Variants in CTDSPL observed in about 807,000 individuals in gnomAD.
The protein encoded by CTDSPL is CTD small phosphatase like, also known as CTD small phosphatase-like protein.
A neutral mutation model predicts 30.5 loss-of-function variants in CTDSPL; 8 were observed. That is an observed-to-expected ratio of 0.26 (90% CI 0.15 to 0.47). CTDSPL has a LOEUF of 0.47. Among genes scored for constraint, CTDSPL ranks in the 20% least tolerant of loss-of-function variants. CTDSPL has a pLI of 0.99. For missense variants in CTDSPL, 248 were observed against 366.1 expected (o/e 0.68, Z 2.63); for synonymous variants, 110 against 137.9 (o/e 0.80, Z 1.42).
At chr3:37,939,786 C>T (rs1223868280) in intron 1 of CTDSPL, among the ~76,000 whole-genome samples, 1 of 150,328 alleles carries the variant, frequency 6.7e-6, no homozygotes, top group East Asian at 1.9e-4. Flanking sequence ...ACTTTCAGCC[C>T]AGCTTCTTTC....
rs1698374925 is a variant in CTDSPL, at chr3:37,894,976, TATA to T, written c.79+32702_79+32704del. Reference sequence around the variant, plus strand: ...ATTGCTTTATGCCATTGAGCACAATTATAATAGCTATTTTAAAAAATCTTATCT... The same window carrying T: ...ATTGCTTTATGCCATTGAGCACAATTATAGCTATTTTAAAAAATCTTATCT... On this transcript the variant is annotated intron_variant, in intron 1 of 7. Transcript: ENST00000273179. 2.0e-5 allele frequency among the ~76,000 whole-genome samples: 3 copies of T among 152,204 alleles called. No homozygotes were observed. In the South Asian group the frequency reaches 6.2e-4, roughly 31 times the overall value.
Position 37,873,832 on chromosome 3 carries a change from G to A in CTDSPL, c.79+11554G>A, listed in dbSNP as rs115071846. ...CTGTGAAATCAAGTCTAGATCAGTA[G>A]GGCATCAGTGACAACTGTGATTTAA... On this transcript the variant is annotated intron_variant, in intron 1 of 7. Coordinates refer to ENST00000273179, the MANE Select transcript of CTDSPL (RefSeq NM_001008392.2). 2.2e-3 allele frequency among the ~76,000 whole-genome samples: 340 copies of A among 152,328 alleles called. 2 individuals carry two copies. The highest frequency in any genetic ancestry group is 3.8e-3 in the Non-Finnish European group (257 of 68,020).
chr3:37,941,552 G>A lies in CTDSPL; in HGVS notation c.80-5505G>A, dbSNP rs1217633273. 1.3e-5 allele frequency among the ~76,000 whole-genome samples: 2 copies of A among 149,124 alleles called. 1 individual carries two copies. The highest frequency in any genetic ancestry group is 3.0e-5 in the Non-Finnish European group (2 of 66,574). On this transcript the variant is annotated intron_variant, in intron 1 of 7. Transcript: ENST00000273179. The stretch of plus-strand genomic sequence containing the variant: ...TTACAGGGGCCCGCCACCACACTCC[G>A]CTAATTTTTGTATTCTTAGTAGAAA...
intron 1 of CTDSPL, among the ~76,000 whole-genome samples, chr3:37,893,578 T>C (rs772857878): frequency 3.3e-5 from 5 of 152,226 alleles, no homozygotes; most frequent in Non-Finnish European, 5.9e-5. Context: ...TCTTTCTTTA[T>C]GCCTAATCAT....
intron 1 of CTDSPL, among the ~76,000 whole-genome samples, chr3:37,884,249 A>G (rs1448576408): frequency 6.6e-6 from 1 of 152,234 alleles, no homozygotes; most frequent in African/African-American, 2.4e-5. Flanking sequence ...AACATAGCAT[A>G]TTGACATGGA....
intron 1 of CTDSPL, among the ~76,000 whole-genome samples, chr3:37,934,267 C>T (rs1192146786): frequency 1.3e-5 from 2 of 151,098 alleles, no homozygotes; most frequent in African/African-American, 4.9e-5. Context: ...GTCAAGACTA[C>T]AGTGAGCCAT....
intron 7 of CTDSPL, among the ~76,000 whole-genome samples, chr3:37,979,940 T>G (rs905287532): frequency 1.3e-5 from 2 of 152,370 alleles, no homozygotes; most frequent in Admixed American, 1.3e-4. Flanking sequence ...TGTCCATTTC[T>G]GCCCTCTCCT....
intron 1 of CTDSPL, among the ~76,000 whole-genome samples, chr3:37,934,221 GGA>G (rs968861177): frequency 6.6e-5 from 10 of 152,064 alleles, no homozygotes; most frequent in African/African-American, 2.4e-4. Context: ...CAGCTATTCA[GGA>G]GGCTGAGGTG....
At chr3:37,931,670 T>C (rs1698856413) in intron 1 of CTDSPL, among the ~76,000 whole-genome samples, 1 of 152,202 alleles carries the variant, frequency 6.6e-6, no homozygotes, top group Non-Finnish European at 1.5e-5. Context: ...TTTTATCTCC[T>C]ATAGGTATTT....
chr3:37,954,960 C>T (rs970799479), intron 2 of CTDSPL: 2 of 152,216 alleles, frequency 1.3e-5, no homozygotes, highest in African/African-American at 4.8e-5. Flanking sequence ...AGATCAGCAC[C>T]TTTGCTTGCT....
intron 1 of CTDSPL, among the ~76,000 whole-genome samples, chr3:37,871,652 T>C (rs1207895389): frequency 6.6e-6 from 1 of 152,256 alleles, no homozygotes; most frequent in Non-Finnish European, 1.5e-5. Flanking sequence ...TTGGTTTATG[T>C]CTTTGCTAAA....
chr3:37,874,397 G>C (rs930406831), intron 1 of CTDSPL, among the ~76,000 whole-genome samples: 5 of 152,170 alleles, frequency 3.3e-5, no homozygotes, highest in African/African-American at 1.2e-4. Flanking sequence ...AGTTGGCCAT[G>C]GTCAGGAAAT....
At chr3:37,896,070 A>G (rs1698387029) in intron 1 of CTDSPL, among the ~76,000 whole-genome samples, 1 of 152,226 alleles carries the variant, frequency 6.6e-6, no homozygotes, top group Non-Finnish European at 1.5e-5. Context: ...TGTTATGAAC[A>G]CATTTGTTCT....
At chr3:37,949,422 G>GTTAAAA (rs1194204219) in intron 2 of CTDSPL, among the ~76,000 whole-genome samples, 1 of 152,084 alleles carries the variant, frequency 6.6e-6, no homozygotes, top group East Asian at 1.9e-4. Flanking sequence ...TCAACAACAG[G>GTTAAAA]CAGTTGGTTA....
chr3:37,916,353 G>GT (rs1249167107), intron 1 of CTDSPL, among the ~76,000 whole-genome samples: 1 of 152,086 alleles, frequency 6.6e-6, no homozygotes, highest in African/African-American at 2.4e-5. Flanking sequence ...CATGGTACTT[G>GT]TTGACTGAAT....
At chr3:37,871,246 A>G (rs1698068526) in intron 1 of CTDSPL, among the ~76,000 whole-genome samples, 1 of 152,204 alleles carries the variant, frequency 6.6e-6, no homozygotes, top group Non-Finnish European at 1.5e-5. Context: ...TTCACTTAGT[A>G]ATATGCATTT....
intron 1 of CTDSPL, among the ~76,000 whole-genome samples, chr3:37,871,533 A>G (rs1328704077): frequency 2.0e-5 from 3 of 152,198 alleles, no homozygotes; most frequent in African/African-American, 7.2e-5. Context: ...GAAACTGCCA[A>G]ACTGTGTTCC....
At chr3:37,883,040 A>G (rs754595273) in intron 1 of CTDSPL, among the ~76,000 whole-genome samples, 1 of 152,242 alleles carries the variant, frequency 6.6e-6, no homozygotes, top group Admixed American at 6.5e-5. Context: ...CAAAAGAATG[A>G]TTTGCCAGTT....
intron 1 of CTDSPL, among the ~76,000 whole-genome samples, chr3:37,937,474 C>T (rs995735931): frequency 6.6e-6 from 1 of 150,604 alleles, no homozygotes; most frequent in African/African-American, 2.4e-5. Context: ...TCTATGCATA[C>T]CCCCTCCACT....
Sources: allele counts gnomAD v4.1 joint callset (sites outside exome capture counted in the v4.1 genomes callset), GRCh38; gene constraint gnomAD v4.1.1; transcripts MANE v1.5; gene names NCBI Gene and HGNC (gene_info 2026-07-23, HGNC 2026-07-21).